LUZP2: variants seen among roughly 807,000 people sequenced by gnomAD.
The protein encoded by LUZP2 is leucine zipper protein 2.
In LUZP2, 52 loss-of-function variants were observed where a neutral mutation model predicts 51.6. That is an observed-to-expected ratio of 1.01 (90% CI 0.81 to 1.27). The LOEUF is 1.27. Ranked by LOEUF, LUZP2 falls within the 50% of genes most tolerant of loss-of-function variation. The pLI, the probability that LUZP2 is intolerant of heterozygous loss-of-function variation, is 0.00. For missense variants in LUZP2, 436 were observed against 395.4 expected, an observed-to-expected ratio of 1.10 and a Z score of -0.87; for synonymous variants, 154 against 137.3, an observed-to-expected ratio of 1.12 and a Z score of -0.85.
intron 5 of LUZP2, among the ~76,000 whole-genome samples, chr11:24,880,083 C>G (rs1449952065): frequency 1.3e-5 from 2 of 152,156 alleles, no homozygotes; most frequent in Non-Finnish European, 2.9e-5. Flanking sequence ...TTTAGAGCCC[C>G]AAAGCACTTT....
In LUZP2 at chr11:24,926,563, GTA is replaced by G. The variant is rs1385577425; in HGVS notation, c.522+12034_522+12035del. Among the ~76,000 whole-genome samples the G allele has an allele frequency of 1.4e-4, 20 of 143,314 alleles. No homozygotes were observed. In the East Asian group the frequency reaches 1.8e-3, roughly 13 times the overall value. The allele number at this position is 143,314 out of a possible 152,430, so 94.0% of individuals were successfully genotyped here. A position where few individuals can be genotyped will look rare whatever the true frequency, so the allele number is the denominator to read the frequency against. On this transcript the variant is annotated intron_variant, in intron 7 of 11. Coordinates refer to ENST00000336930, the MANE Select transcript of LUZP2 (RefSeq NM_001009909.4). ...TATATACGTGTATATATATGTGTGT[GTA>G]TATATATACGTGTATATATATGTGT...
chr11:24,960,122 C>CT, intron 7 of LUZP2, among the ~76,000 whole-genome samples: 1 of 152,092 alleles, frequency 6.6e-6, no homozygotes, highest in African/African-American at 2.4e-5. Context: ...GGTGGATAAG[C>CT]TTTTTGATGT....
Position 24,914,621 on chromosome 11 carries a change from T to A in LUZP2, c.522+83T>A, listed in dbSNP as rs1853740833. ...AAAACATTATTTAGGTTAAATTTATTTTCTGGAATTTCTCATGAATTGGAG... is the reference window on the plus strand; with the variant it reads ...AAAACATTATTTAGGTTAAATTTATATTCTGGAATTTCTCATGAATTGGAG... On this transcript the variant is annotated intron_variant, in intron 7 of 11. Transcript: ENST00000336930. 3.2e-6 allele frequency: 3 copies of A among 942,984 alleles called. No individual in the cohort carries two copies. The South Asian group carries it at 4.9e-5, about 15-fold the overall frequency. The allele number at this position is 942,984 out of a possible 1,614,324, so 58.4% of individuals were successfully genotyped here. A position where few individuals can be genotyped will look rare whatever the true frequency, so the allele number is the denominator to read the frequency against.
chr11:24,776,353 C>T (rs921012592), intron 5 of LUZP2, among the ~76,000 whole-genome samples: 3 of 149,376 alleles, frequency 2.0e-5, no homozygotes, highest in Non-Finnish European at 2.9e-5. Flanking sequence ...AGTCAACCAC[C>T]ATGGTCAGGG....
chr11:24,670,974 TTC>T (rs1468092943), intron 1 of LUZP2, among the ~76,000 whole-genome samples: 4 of 151,832 alleles, frequency 2.6e-5, no homozygotes. Flanking sequence ...TTAAAGCTAA[TTC>T]TCTCTCATTA....
At chr11:24,600,010 C>T (rs1471067610) in intron 1 of LUZP2, among the ~76,000 whole-genome samples, 1 of 152,038 alleles carries the variant, frequency 6.6e-6, no homozygotes, top group Non-Finnish European at 1.5e-5. Flanking sequence ...AAATATTCTC[C>T]ATAAAAGATA....
chr11:24,853,411 C>T (rs547319365), intron 5 of LUZP2, among the ~76,000 whole-genome samples: 2 of 151,940 alleles, frequency 1.3e-5, no homozygotes, highest in South Asian at 4.2e-4. Context: ...TTGATCGATT[C>T]AGCTATTGAT....
intron 5 of LUZP2, among the ~76,000 whole-genome samples, chr11:24,876,478 C>T (rs1036639135): frequency 2.0e-5 from 3 of 148,584 alleles, no homozygotes; most frequent in African/African-American, 5.0e-5. Flanking sequence ...GGTACCAGTA[C>T]CATGCTGTTT....
intron 9 of LUZP2, among the ~76,000 whole-genome samples, chr11:25,027,780 G>T (rs1241148626): frequency 6.6e-6 from 1 of 151,000 alleles, no homozygotes; most frequent in African/African-American, 2.4e-5. Context: ...CTGAGGCAGA[G>T]AATTGCTTGA....
chr11:24,973,856 T>C (rs923118800), intron 7 of LUZP2, among the ~76,000 whole-genome samples: 9 of 151,382 alleles, frequency 5.9e-5, no homozygotes, highest in Admixed American at 6.6e-5. Flanking sequence ...CTTCCTCTTA[T>C]GTGATCAATT....
chr11:24,882,745 A>G (rs1199157707), intron 5 of LUZP2, among the ~76,000 whole-genome samples: 1 of 151,346 alleles, frequency 6.6e-6, no homozygotes, highest in African/African-American at 2.4e-5. Context: ...TCTTCTCATG[A>G]CTAGGTAACT....
Position 24,578,410 on chromosome 11 carries a change from C to T in LUZP2, c.62+81105C>T, listed in dbSNP as rs570629076. On this transcript the variant is annotated intron_variant, in intron 1 of 11. Transcript: ENST00000336930. Reference sequence around the variant, plus strand: ...TGTGAAAGTATATTATTCAGGTAACCAGAAATCTTATCCATAGTCATTAAG... The same window carrying T: ...TGTGAAAGTATATTATTCAGGTAACTAGAAATCTTATCCATAGTCATTAAG... 5.6e-4 allele frequency among the ~76,000 whole-genome samples: 85 copies of T among 151,932 alleles called. 1 individual carries two copies. The highest frequency in any genetic ancestry group is 2.1e-3 in the African/African-American group (85 of 41,462).
intron 5 of LUZP2, among the ~76,000 whole-genome samples, chr11:24,846,432 A>C (rs914272445): frequency 2.0e-5 from 3 of 152,174 alleles, no homozygotes; most frequent in South Asian, 2.1e-4. Flanking sequence ...AATAATGAAA[A>C]AGACCTCACT....
At chr11:24,587,183 G>A (rs1027970304) in intron 1 of LUZP2, among the ~76,000 whole-genome samples, 2 of 152,010 alleles carry the variant, frequency 1.3e-5, no homozygotes, top group African/African-American at 4.8e-5. Flanking sequence ...CTCTACTCAG[G>A]CTCAAATGTA....
In LUZP2 at chr11:24,744,898, T is replaced by C. The variant is rs556484234; in HGVS notation, c.333+6596T>C. On this transcript the variant is annotated intron_variant, in intron 4 of 11. Coordinates refer to ENST00000336930, the MANE Select transcript of LUZP2 (RefSeq NM_001009909.4). ...CTTTCCCGTATCCCAGAGGTTTTGATAGGTTGTGTCATTATTGTCGTTCAG... is the reference window on the plus strand; with the variant it reads ...CTTTCCCGTATCCCAGAGGTTTTGACAGGTTGTGTCATTATTGTCGTTCAG... 5.3e-5 allele frequency among the ~76,000 whole-genome samples: 8 copies of C among 152,268 alleles called. No individual in the cohort carries two copies. In the South Asian group the frequency reaches 1.2e-3, roughly 24 times the overall value.
intron 9 of LUZP2, among the ~76,000 whole-genome samples, chr11:25,014,079 T>A (rs1857065722): frequency 6.6e-6 from 1 of 152,202 alleles, no homozygotes; most frequent in African/African-American, 2.4e-5. Flanking sequence ...GGACATGAAC[T>A]CATCCTTTTT....
chr11:24,894,792 C>T (rs756490037), intron 5 of LUZP2, among the ~76,000 whole-genome samples: 2 of 152,130 alleles, frequency 1.3e-5, no homozygotes, highest in Non-Finnish European at 2.9e-5. Context: ...ATTATACCCT[C>T]TAGACTTTAT....
intron 5 of LUZP2, chr11:24,892,162 C>T: frequency 1.0e-6 from 1 of 985,610 alleles, no homozygotes; most frequent in Non-Finnish European, 1.2e-6. Flanking sequence ...TTAAGAATCT[C>T]TGTATCTTTC....
intron 1 of LUZP2, among the ~76,000 whole-genome samples, chr11:24,614,524 C>G (rs1436373329): frequency 3.3e-5 from 5 of 152,006 alleles, no homozygotes; most frequent in Non-Finnish European, 4.4e-5. Flanking sequence ...AAATAGGGCT[C>G]TGCATATTCA....
Sources: allele counts gnomAD v4.1 joint callset (sites outside exome capture counted in the v4.1 genomes callset), GRCh38; gene constraint gnomAD v4.1.1; transcripts MANE v1.5; gene names NCBI Gene and HGNC (gene_info 2026-07-23, HGNC 2026-07-21).